Variants in KAZN observed in about 807,000 individuals in gnomAD.
KAZN encodes the protein kazrin, periplakin interacting protein.
KAZN carries 40 observed loss-of-function variants against 87.4 expected under a neutral mutation model. The observed-to-expected ratio is 0.46, with a 90% confidence interval of 0.36 to 0.60. The LOEUF (loss-of-function observed/expected upper bound fraction) is 0.60. KAZN is among the 20% of genes least tolerant of loss of function. The pLI is 0.00. For missense variants in KAZN, 898 were observed against 1,073.9 expected, an observed-to-expected ratio of 0.84 and a Z score of 2.29; for synonymous variants, 466 against 458.3, an observed-to-expected ratio of 1.02 and a Z score of -0.22.
At chr1:14,838,916 C>A (rs1374894661) in intron 1 of KAZN, among the ~76,000 whole-genome samples, 1 of 152,190 alleles carries the variant, frequency 6.6e-6, no homozygotes, top group Non-Finnish European at 1.5e-5. Flanking sequence ...GCCACCGCAC[C>A]TGGCCCTGAT....
chr1:14,530,569 G>A (rs1201682321), intron 2 of KAZN, among the ~76,000 whole-genome samples: 1 of 151,994 alleles, frequency 6.6e-6, no homozygotes, highest in Non-Finnish European at 1.5e-5. Flanking sequence ...TGAGTGAGTT[G>A]TCACTCTGAG....
chr1:14,682,634 G>C (rs1416022585), intron 1 of KAZN, among the ~76,000 whole-genome samples: 1 of 152,002 alleles, frequency 6.6e-6, no homozygotes, highest in African/African-American at 2.4e-5. Flanking sequence ...ATTGTATATA[G>C]AGACCACATT....
intron 1 of KAZN, among the ~76,000 whole-genome samples, chr1:14,940,093 C>G (rs1463917507): frequency 1.3e-5 from 2 of 152,156 alleles, no homozygotes; most frequent in Non-Finnish European, 2.9e-5. Context: ...ATCAGGTGAC[C>G]ATCTTGGTTC....
intron 2 of KAZN, among the ~76,000 whole-genome samples, chr1:14,444,641 C>T (rs548437331): frequency 6.3e-4 from 96 of 152,162 alleles, no homozygotes; most frequent in African/African-American, 2.1e-3. Context: ...TATTGGTGCT[C>T]GCTTCAATTC....
chr1:14,620,881 T>G lies in KAZN; in HGVS notation c.226+21658T>G, dbSNP rs577571383. Among the ~76,000 whole-genome samples, 72 of 152,324 alleles carry G rather than the reference T, an allele frequency of 4.7e-4. No homozygotes were observed. In the Middle Eastern group the frequency reaches 0.01, roughly 22 times the overall value. On this transcript the variant is annotated intron_variant, in intron 1 of 14. Transcript: ENST00000376030. ...TTGGAAATCTCCCAGCGGAGCCTCT[T>G]GTACAACCTAATTTCCATGAAAGTG...
intron 1 of KAZN, among the ~76,000 whole-genome samples, chr1:14,845,589 G>T (rs1648655248): frequency 6.6e-6 from 1 of 151,880 alleles, no homozygotes; most frequent in Admixed American, 6.6e-5. Context: ...ATGGATGGAT[G>T]GATGGATGGA....
At chr1:14,666,259 T>C (rs548227216) in intron 1 of KAZN, among the ~76,000 whole-genome samples, 4 of 152,202 alleles carry the variant, frequency 2.6e-5, no homozygotes, top group African/African-American at 9.6e-5. Flanking sequence ...TATGGTCTTG[T>C]TGGGTGAGTC....
intron 2 of KAZN, among the ~76,000 whole-genome samples, chr1:14,545,545 G>A (rs1036398887): frequency 2.0e-5 from 3 of 152,176 alleles, no homozygotes; most frequent in African/African-American, 7.2e-5. Context: ...TCCTCCAAAT[G>A]AGATGACCCA....
At chr1:14,532,346 AGAT>A (rs1219578876) in intron 2 of KAZN, among the ~76,000 whole-genome samples, 2 of 152,036 alleles carry the variant, frequency 1.3e-5, no homozygotes, top group African/African-American at 4.8e-5. Flanking sequence ...GGCATTGGAG[AGAT>A]GATAAAATTC....
At chr1:14,467,704 T>C (rs547657979) in intron 2 of KAZN, among the ~76,000 whole-genome samples, 2 of 150,952 alleles carry the variant, frequency 1.3e-5, no homozygotes, top group Admixed American at 1.3e-4. Flanking sequence ...AAGTAGACTT[T>C]ACATCGCCCT....
At chr1:14,485,199 C>G (rs1213369935) in intron 2 of KAZN, among the ~76,000 whole-genome samples, 1 of 152,212 alleles carries the variant, frequency 6.6e-6, no homozygotes, top group African/African-American at 2.4e-5. Flanking sequence ...ACAAGCAACC[C>G]TGAGGATATC....
At chr1:14,895,718 A>G (rs1655191119) in intron 1 of KAZN, among the ~76,000 whole-genome samples, 1 of 152,220 alleles carries the variant, frequency 6.6e-6, no homozygotes, top group Non-Finnish European at 1.5e-5. Flanking sequence ...GTTCTGCAAA[A>G]GATAATCATG....
chr1:15,001,799 A>G (rs1668503079), intron 2 of KAZN, among the ~76,000 whole-genome samples: 1 of 146,420 alleles, frequency 6.8e-6, no homozygotes, highest in East Asian at 2.1e-4. Flanking sequence ...TGTCTGTTCC[A>G]CGGGTGGGTG....
At chr1:15,032,382 C>T (rs1205673172) in intron 2 of KAZN, among the ~76,000 whole-genome samples, 5 of 151,380 alleles carry the variant, frequency 3.3e-5, no homozygotes, top group South Asian at 4.2e-4. Context: ...TTAGTAGATT[C>T]GGGGTTTCAC....
chr1:14,151,388 T>C (rs559302001), intron 1 of KAZN, among the ~76,000 whole-genome samples: 1 of 152,208 alleles, frequency 6.6e-6, no homozygotes, highest in Admixed American at 6.5e-5. Flanking sequence ...ATTCATTTTC[T>C]GAGAGCAAGC....
chr1:14,578,594 T>C (rs867406969), intron 2 of KAZN, among the ~76,000 whole-genome samples: 6 of 152,162 alleles, frequency 3.9e-5, no homozygotes, highest in Non-Finnish European at 7.3e-5. Flanking sequence ...AAGGGAAGAA[T>C]TTAAATGAAT....
At chr1:15,037,894 A>G (rs1672500110) in intron 3 of KAZN, among the ~76,000 whole-genome samples, 1 of 152,164 alleles carries the variant, frequency 6.6e-6, no homozygotes, top group Non-Finnish European at 1.5e-5. Context: ...CAGAGGACCC[A>G]GGAATCAGGA....
intron 2 of KAZN, among the ~76,000 whole-genome samples, chr1:15,016,667 AC>A (rs1346558422): frequency 7.9e-5 from 12 of 152,156 alleles, no homozygotes. Flanking sequence ...GTGGCTTCCC[AC>A]TTCCCTGCAG....
intron 1 of KAZN, among the ~76,000 whole-genome samples, chr1:13,930,795 A>C (rs557403296): frequency 6.6e-6 from 1 of 152,350 alleles, no homozygotes; most frequent in South Asian, 2.1e-4. Context: ...GAGTAAAGGA[A>C]GTGCTGGGTT....
Sources: gnomAD v4.1 joint callset for allele counts (sites outside exome capture counted in the v4.1 genomes callset) on GRCh38, gnomAD v4.1.1 for gene constraint, MANE v1.5 for transcripts, NCBI Gene and HGNC (gene_info 2026-07-23, HGNC 2026-07-21) for gene names.